CARMIL1: variants seen among roughly 807,000 people sequenced by gnomAD.
CARMIL1 encodes the protein capping protein regulator and myosin 1 linker 1, also known as F-actin-uncapping protein LRRC16A.
CARMIL1 carries 90 observed loss-of-function variants against 177.1 expected under a neutral mutation model. The ratio of observed to expected loss-of-function variants is 0.51; its 90% CI spans 0.43 to 0.61. The LOEUF is 0.61. Among genes scored for constraint, CARMIL1 ranks in the 20% least tolerant of loss-of-function variants. The pLI is 0.00. For synonymous variants in CARMIL1, 577 were observed against 606.2 expected (o/e 0.95, Z 0.71); for missense variants, 1,380 against 1,667.0 (o/e 0.83, Z 3.00).
intron 13 of CARMIL1, among the ~76,000 whole-genome samples, chr6:25,489,787 G>C (rs914578014): frequency 6.6e-6 from 1 of 151,114 alleles, no homozygotes; most frequent in African/African-American, 2.4e-5. Context: ...CTTGATTCCT[G>C]GTGTGCCACG....
intron 2 of CARMIL1, among the ~76,000 whole-genome samples, chr6:25,333,724 A>C (rs77873730): frequency 1.3e-5 from 2 of 150,384 alleles, no homozygotes; most frequent in African/African-American, 4.9e-5. Flanking sequence ...TTGAAATGCT[A>C]TAACAGGTTG....
At chr6:25,397,207 A>T (rs1038404572) in intron 2 of CARMIL1, among the ~76,000 whole-genome samples, 1 of 152,156 alleles carries the variant, frequency 6.6e-6, no homozygotes, top group Non-Finnish European at 1.5e-5. Context: ...CAGTCATTTG[A>T]ACTTCTTTTC....
chr6:25,567,379 C>G (rs1180994618), intron 29 of CARMIL1, among the ~76,000 whole-genome samples: 2 of 152,176 alleles, frequency 1.3e-5, no homozygotes, highest in African/African-American at 2.4e-5. Flanking sequence ...AAATCCATAC[C>G]TCCTCCAATT....
chr6:25,480,789 C>T lies in CARMIL1; in HGVS notation c.875-1468C>T, dbSNP rs565394827. On this transcript the variant is annotated intron_variant, in intron 11 of 36. Coordinates refer to ENST00000329474, the MANE Select transcript of CARMIL1 (RefSeq NM_017640.6). The stretch of plus-strand genomic sequence containing the variant: ...TGTGTTACCCAGGCTGGCGCGATCT[C>T]GGCTCACTGCAATCTCCACCTCCTG... 9.8e-4 allele frequency among the ~76,000 whole-genome samples: 132 copies of T among 134,704 alleles called. 3 individuals carry two copies. The South Asian group carries it at 0.017, about 18-fold the overall frequency. The allele number at this position is 134,704 out of a possible 152,430, so 88.4% of individuals were successfully genotyped here.
chr6:25,419,822 C>A (rs1173809272), intron 2 of CARMIL1, among the ~76,000 whole-genome samples: 1 of 152,104 alleles, frequency 6.6e-6, no homozygotes. Flanking sequence ...ATCACAGAGA[C>A]CTGTTTTACT....
intron 31 of CARMIL1, among the ~76,000 whole-genome samples, chr6:25,591,751 G>A (rs181360499): frequency 6.6e-6 from 1 of 152,280 alleles, no homozygotes; most frequent in East Asian, 1.9e-4. Flanking sequence ...ATGTCTCATG[G>A]AAGATCTCCC....
At chr6:25,585,797 TGCACC>T (rs202130085) in intron 31 of CARMIL1, among the ~76,000 whole-genome samples, 2,858 of 152,072 alleles carry the variant, frequency 0.019, 71 homozygotes, top group African/African-American at 0.059. Flanking sequence ...AAGCACATCT[TGCACC>T]GCCCTTAATC....
intron 2 of CARMIL1, among the ~76,000 whole-genome samples, chr6:25,366,316 G>A (rs935026396): frequency 1.3e-5 from 2 of 152,008 alleles, no homozygotes; most frequent in African/African-American, 4.8e-5. Context: ...CTTTGAACTA[G>A]CTATTCCCTC....
At chr6:25,572,166 C>T (rs758072123) in intron 29 of CARMIL1, among the ~76,000 whole-genome samples, 2 of 151,832 alleles carry the variant, frequency 1.3e-5, no homozygotes, top group African/African-American at 4.8e-5. Flanking sequence ...TGTCAACAAC[C>T]TTTAAATGGT....
intron 31 of CARMIL1, among the ~76,000 whole-genome samples, chr6:25,581,851 T>C (rs1201398813): frequency 6.6e-6 from 1 of 152,118 alleles, no homozygotes; most frequent in African/African-American, 2.4e-5. Flanking sequence ...GATTCTGGAG[T>C]GCACACATGC....
intron 15 of CARMIL1, among the ~76,000 whole-genome samples, chr6:25,492,388 A>C (rs1803328847): frequency 6.6e-6 from 1 of 152,236 alleles, no homozygotes; most frequent in Non-Finnish European, 1.5e-5. Flanking sequence ...TAAAGAGAAT[A>C]GTTATCTCAA....
At chr6:25,459,274 T>TCTTTC (rs1799907930) in intron 8 of CARMIL1, among the ~76,000 whole-genome samples, 5 of 30,970 alleles carry the variant, frequency 1.6e-4, no homozygotes, top group African/African-American at 1.8e-4. Context: ...TTCTTTTTTT[T>TCTTTC]TTTTTTAAGA....
rs941492083 is a variant in CARMIL1, at chr6:25,459,742, C to T, written c.615-6131C>T. Among the ~76,000 whole-genome samples, 52 of 152,140 alleles carry T rather than the reference C, an allele frequency of 3.4e-4. 1 individual carries two copies. Among genetic ancestry groups the T allele is most frequent in the Admixed American group, 2.6e-3 (40 of 15,270 alleles). The stretch of plus-strand genomic sequence containing the variant: ...AAGATGTTAATACTGGATCCTTCTC[C>T]TCAAGGTTTGTAGTCTTAAGATGTT... On this transcript the variant is annotated intron_variant, in intron 8 of 36. Coordinates refer to ENST00000329474, the MANE Select transcript of CARMIL1 (RefSeq NM_017640.6).
intron 3 of CARMIL1, among the ~76,000 whole-genome samples, chr6:25,425,617 A>G (rs1460203533): frequency 6.6e-6 from 1 of 152,108 alleles, no homozygotes; most frequent in South Asian, 2.1e-4. Flanking sequence ...GAAATGGGGA[A>G]AATCCGGGAA....
At chr6:25,364,724 C>T (rs574812214) in intron 2 of CARMIL1, among the ~76,000 whole-genome samples, 12 of 152,176 alleles carry the variant, frequency 7.9e-5, no homozygotes, top group South Asian at 2.1e-4. Flanking sequence ...CCACCACGCC[C>T]GGCTAATTTT....
intron 2 of CARMIL1, among the ~76,000 whole-genome samples, chr6:25,322,120 G>GTGTTTT (rs1280551447): frequency 2.6e-5 from 4 of 151,612 alleles, no homozygotes; most frequent in East Asian, 3.9e-4. Context: ...AAGAAATCTG[G>GTGTTTT]TGTTTTTGTT....
At chr6:25,319,984 A>G (rs1430527550) in intron 2 of CARMIL1, among the ~76,000 whole-genome samples, 1 of 152,168 alleles carries the variant, frequency 6.6e-6, no homozygotes, top group African/African-American at 2.4e-5. Flanking sequence ...ACTTACTTGC[A>G]CATGTTATGT....
intron 24 of CARMIL1, among the ~76,000 whole-genome samples, chr6:25,537,156 A>G (rs6935799): frequency 0.18 from 28,024 of 152,166 alleles, 2,811 homozygotes; most frequent in East Asian, 0.4. Flanking sequence ...CCGTAAAACA[A>G]TTGAGAATGA....
At chr6:25,537,420 G>A (rs1808410484) in intron 24 of CARMIL1, among the ~76,000 whole-genome samples, 1 of 152,176 alleles carries the variant, frequency 6.6e-6, no homozygotes, top group African/African-American at 2.4e-5. Flanking sequence ...CATTACAACA[G>A]TCTCAGTGTT....
Sources: gnomAD v4.1 joint callset for allele counts (sites outside exome capture counted in the v4.1 genomes callset) on GRCh38, gnomAD v4.1.1 for gene constraint, MANE v1.5 for transcripts, NCBI Gene and HGNC (gene_info 2026-07-23, HGNC 2026-07-21) for gene names.